ATXN3L: variants seen among roughly 807,000 people sequenced by gnomAD.
ATXN3L encodes ataxin-3-like protein.
For synonymous variants in ATXN3L, 98 were observed against 96.1 expected (o/e 1.02, Z -0.12); for missense variants, 283 against 255.2 (o/e 1.11, Z -0.74).
rs754028227 is a variant in ATXN3L at position 13,318,901 on chromosome X, A to G, written c.1034T>C (p.Met345Thr). The G allele has an allele frequency of 2.5e-6, 3 of 1,193,320 alleles. No individual in the cohort carries two copies. The highest frequency in any genetic ancestry group is 3.4e-6 in the Non-Finnish European group (3 of 887,438). ...CCCTTTGATTTTCAAATTCTTTCTC[A>G]TAATTTCTAAAATGGTGTCGACAGC... ...QAAVDTILEI[M>T]RKNLKIKGEK The change falls in exon 1 of 1, where the codon ATG (methionine) becomes ACG (threonine). Residue 345 changes from methionine to threonine, a missense_variant. Physicochemically the swap from Met to Thr is moderately conservative, Grantham distance 81. Coordinates refer to ENST00000380622, the MANE Select transcript of ATXN3L (RefSeq NM_001135995.2).
chrX:13,320,042 T>C lies in ATXN3L; in HGVS notation c.-108A>G, dbSNP rs2044479170. ...ATAGCCATGTAACAGATGTTAGGTT[T>C]TCAAACCTTATGAAGACCATGGGTT... On this transcript the variant is annotated 5_prime_UTR_variant, in exon 1 of 1. Transcript: ENST00000380622. 2 of 576,850 alleles carry C rather than the reference T, an allele frequency of 3.5e-6. No homozygotes were observed. The highest frequency in any genetic ancestry group is 7.5e-5 in the Admixed American group (2 of 26,698). The allele number at this position is 576,850 out of a possible 1,213,427, so 47.5% of individuals were successfully genotyped here. A position where few individuals can be genotyped will look rare whatever the true frequency, so the allele number is the denominator to read the frequency against.
rs773788971 is a variant in ATXN3L, at chrX:13,319,772, T to C, written c.163A>G (p.Ser55Gly). ...RMRMAEGGVT[S>G]EEYLAFLQQP... is the part of the protein sequence containing the mutation. ...TGTAAAAATGCAAGATACTCTTCAC[T>C]GGTGACTCCTCCTTCTGCCATTCTC... The change falls in exon 1 of 1, where the codon AGT (serine) becomes GGT (glycine). Residue 55 changes from serine (S) to glycine (G), a missense_variant. Coordinates refer to ENST00000380622, the MANE Select transcript of ATXN3L (RefSeq NM_001135995.2). 1 of 1,212,033 alleles carries C rather than the reference T, an allele frequency of 8.3e-7. No individual in the cohort carries two copies. The highest frequency in any genetic ancestry group is 3.0e-5 in the East Asian group (1 of 33,860).
chrX:13,318,921 G>A lies in ATXN3L; in HGVS notation c.1014C>T (p.Val338=), dbSNP rs187826331. The A allele has an allele frequency of 9.2e-6, 11 of 1,200,414 alleles. No homozygotes were observed. The Admixed American group carries it at 2.1e-4, about 22-fold the overall frequency. ...DISEGTVQAA[V]DTILEIMRKN... The stretch of plus-strand genomic sequence containing the variant: ...TTCTCATAATTTCTAAAATGGTGTC[G>A]ACAGCGGCCTGTACTGTGCCTTCAC... Residue 338 remains valine, a synonymous_variant, in exon 1 of 1, where the codon GTC becomes GTT. Transcript: ENST00000380622.
In ATXN3L at chrX:13,320,014, T is replaced by G; in HGVS notation, c.-80A>C. 2 of 730,368 alleles carry G rather than the reference T, an allele frequency of 2.7e-6. No homozygotes were observed. Among genetic ancestry groups the G allele is most frequent in the Non-Finnish European group, 4.0e-6 (2 of 495,424 alleles). The allele number at this position is 730,368 out of a possible 1,213,427, so 60.2% of individuals were successfully genotyped here. On this transcript the variant is annotated 5_prime_UTR_variant, in exon 1 of 1. Transcript: ENST00000380622. ...CTATGGCAGTTACCTGGGCAGTTTGTGGATAGCCATGTAACAGATGTTAGG... is the reference window on the plus strand; with the variant it reads ...CTATGGCAGTTACCTGGGCAGTTTGGGGATAGCCATGTAACAGATGTTAGG...
chrX:13,318,958 C>T lies in ATXN3L; in HGVS notation c.977G>A (p.Ser326Asn). The change falls in exon 1 of 1, where the codon AGT (serine) becomes AAT (asparagine). Residue 326 changes from serine to asparagine, a missense_variant. By Grantham distance (46) the Ser-to-Asn change is conservative. Transcript: ENST00000380622. ...TACTGTGCCTTCACTGATGTCATCACTGAGATCACTCTCAATTGCTCTCGA... is the reference window on the plus strand; with the variant it reads ...TACTGTGCCTTCACTGATGTCATCATTGAGATCACTCTCAATTGCTCTCGA... ...TSSRAIESDL[S>N]DDISEGTVQA... The T allele has an allele frequency of 1.7e-6, 2 of 1,210,610 alleles. No individual in the cohort carries two copies. Among genetic ancestry groups the T allele is most frequent in the Non-Finnish European group, 2.2e-6 (2 of 894,180 alleles).
chrX:13,319,857 T>C lies in ATXN3L; in HGVS notation c.78A>G (p.Glu26=), dbSNP rs917866768. The change falls in exon 1 of 1, where the codon GAA becomes GAG. Residue 26 remains glutamate, a synonymous_variant. Transcript: ENST00000380622. The part of the protein sequence containing the change: ...QHCLNNLLQG[E]YFSPVELASI... ...AGGCTAATTCCACAGGGCTAAAATA[T>C]TCTCCTTGCAATAGATTGTTCAGAC... 4.1e-6 allele frequency: 5 copies of C among 1,210,192 alleles called. No individual in the cohort carries two copies. Among genetic ancestry groups the C allele is most frequent in the African/African-American group, 1.7e-5 (1 of 57,313 alleles).
In ATXN3L at chrX:13,319,327, CTA is replaced by C; in HGVS notation, c.606_607del (p.His202GlnfsTer4). The C allele has an allele frequency of 1.7e-6, 2 of 1,210,861 alleles. No homozygotes were observed. The highest frequency in any genetic ancestry group is 2.2e-6 in the Non-Finnish European group (2 of 894,840). ...TTTTTCAAGGACTGTTTTATAGACT[CTA>C]TGCTCTTTTTGTTTTACTAATTTTT... On this transcript the variant is annotated frameshift_variant, in exon 1 of 1. Transcript: ENST00000380622. LOFTEE classifies it low-confidence loss of function (END_TRUNC).
At position 13,318,969 on chromosome X, in the gene ATXN3L, C is replaced by T; in HGVS notation, c.966G>A (p.Glu322=). The T allele has an allele frequency of 8.3e-7, 1 of 1,211,393 alleles. No individual in the cohort carries two copies. Among genetic ancestry groups the T allele is most frequent in the Non-Finnish European group, 1.1e-6 (1 of 895,026 alleles). Reference sequence around the variant, plus strand: ...CACTGATGTCATCACTGAGATCACTCTCAATTGCTCTCGAACTTGTTGTTG... The same window carrying T: ...CACTGATGTCATCACTGAGATCACTTTCAATTGCTCTCGAACTTGTTGTTG... ...ERPTTSSRAI[E]SDLSDDISEG... Residue 322 remains glutamate, a synonymous_variant, in exon 1 of 1, where the codon GAG becomes GAA. Coordinates refer to ENST00000380622, the MANE Select transcript of ATXN3L (RefSeq NM_001135995.2).
At position 13,319,267 on chromosome X, in the gene ATXN3L, T is replaced by C. The variant is rs1447306738; in HGVS notation, c.668A>G (p.Asp223Gly). The C allele has an allele frequency of 3.3e-6, 4 of 1,209,894 alleles. No individual in the cohort carries two copies. The highest frequency in any genetic ancestry group is 5.9e-5 in the East Asian group (2 of 33,817). The change falls in exon 1 of 1, where the codon GAC (aspartate) becomes GGC (glycine). Residue 223 changes from aspartate to glycine, a missense_variant. By Grantham distance (94) the Asp-to-Gly change is moderately conservative (BLOSUM62 -1). Coordinates refer to ENST00000380622, the MANE Select transcript of ATXN3L (RefSeq NM_001135995.2). ...SEESDESGTS[D>G]QDEEDFQRAL... ...CCTCTGAAAATCCTCCTCATCTTGG[T>C]CTGATGTTCCAGACTCATCACTTTC...
At position 13,318,658 on chromosome X, in the gene ATXN3L, A is replaced by C; in HGVS notation, c.*209T>G. 5.9e-6 allele frequency: 2 copies of C among 339,690 alleles called. No homozygotes were observed. 28.0% of individuals were successfully genotyped at this position (339,690 alleles called of 1,213,427 possible). On this transcript the variant is annotated 3_prime_UTR_variant, in exon 1 of 1. Coordinates refer to ENST00000380622, the MANE Select transcript of ATXN3L (RefSeq NM_001135995.2). ...AAATCAAAGGAACATTTTGAAAGCT[A>C]ATTTAAATTTAATTAATTGCTGAAT...
At position 13,318,996 on chromosome X, in the gene ATXN3L, C is replaced by T. The variant is rs17322143; in HGVS notation, c.939G>A (p.Arg313=). 135,479 of 1,209,701 alleles carry T rather than the reference C, an allele frequency of 0.11. 5,492 individuals are homozygous for T. The highest frequency in any genetic ancestry group is 0.17 in the South Asian group (9,553 of 56,797). Residue 313 remains arginine (R), a synonymous_variant, in exon 1 of 1, where the codon AGG becomes AGA. Coordinates refer to ENST00000380622, the MANE Select transcript of ATXN3L (RefSeq NM_001135995.2). ...CAATTGCTCTCGAACTTGTTGTTGG[C>T]CTTTCGTGTAGGTATGAACTGTGGC... ...LPGHSSYLHE[R]PTTSSRAIES...
At position 13,319,761 on chromosome X, in the gene ATXN3L, A is replaced by C. The variant is rs1383355686; in HGVS notation, c.174T>G (p.Tyr58Ter). Residue 58 changes from tyrosine (Y) to a stop codon, truncating the protein, a stop_gained, in exon 1 of 1, where the codon TAT (tyrosine) becomes TAG (stop). Transcript: ENST00000380622. LOFTEE classifies it low-confidence loss of function (END_TRUNC). ...MAEGGVTSEE[Y>*]LAFLQQPSEN... ...CTGAAGGCTGCTGTAAAAATGCAAG[A>C]TACTCTTCACTGGTGACTCCTCCTT... is the stretch of plus-strand genomic sequence containing the variant. 1 of 1,211,620 alleles carries C rather than the reference A, an allele frequency of 8.3e-7. No homozygotes were observed. Among genetic ancestry groups the C allele is most frequent in the Non-Finnish European group, 1.1e-6 (1 of 895,502 alleles).
rs772727645 is a variant in ATXN3L, at chrX:13,319,463, G to A, written c.472C>T (p.Gln158Ter). 3.3e-6 allele frequency: 4 copies of A among 1,210,990 alleles called. No homozygotes were observed. Among genetic ancestry groups the A allele is most frequent in the Non-Finnish European group, 4.5e-6 (4 of 894,848 alleles). Residue 158 changes from glutamine (Q) to a stop codon, truncating the protein, a stop_gained, in exon 1 of 1, where the codon CAA becomes TAA. Transcript: ENST00000380622. LOFTEE classifies it low-confidence loss of function (END_TRUNC). ...LANFLARLQQ[Q>*]AYSVFVVKGD... ...TTGACAACAAATACAGAATATGCTT[G>A]TTGTTGTAATCGAGCCAAGAAATTT...
In ATXN3L at chrX:13,319,828, A is replaced by G. The variant is rs956713973; in HGVS notation, c.107T>C (p.Ile36Thr). The change falls in exon 1 of 1, where the codon ATT (isoleucine) becomes ACT (threonine). Residue 36 changes from isoleucine to threonine, a missense_variant. Ile to Thr is a moderately conservative substitution (Grantham distance 89). Coordinates refer to ENST00000380622, the MANE Select transcript of ATXN3L (RefSeq NM_001135995.2). ...EYFSPVELASIAHQLDEEERM... is the reference protein window; with the variant it reads ...EYFSPVELASTAHQLDEEERM... ...CTCTTCTTCATCTAGCTGATGTGCA[A>G]TTGAGGCTAATTCCACAGGGCTAAA... 18 of 1,209,643 alleles carry G rather than the reference A, an allele frequency of 1.5e-5. No individual in the cohort carries two copies. Among genetic ancestry groups the G allele is most frequent in the Admixed American group, 2.2e-5 (1 of 45,779 alleles).
Position 13,319,780 on chromosome X carries a change from C to G in ATXN3L, c.155G>C (p.Gly52Ala). Reference sequence around the variant, plus strand: ...TGCAAGATACTCTTCACTGGTGACTCCTCCTTCTGCCATTCTCATCCTCTC... The same window carrying G: ...TGCAAGATACTCTTCACTGGTGACTGCTCCTTCTGCCATTCTCATCCTCTC... ...EEERMRMAEG[G>A]VTSEEYLAFL... The change falls in exon 1 of 1, where the codon GGA becomes GCA. Residue 52 changes from glycine (G) to alanine (A), a missense_variant. Transcript: ENST00000380622. 8.3e-7 allele frequency: 1 copy of G among 1,211,656 alleles called. No homozygotes were observed. Among genetic ancestry groups the G allele is most frequent in the Non-Finnish European group, 1.1e-6 (1 of 895,455 alleles).
rs1391192608 is a variant in ATXN3L, at chrX:13,319,531, G to A, written c.404C>T (p.Ser135Phe). 1 of 1,211,583 alleles carries A rather than the reference G, an allele frequency of 8.3e-7. No homozygotes were observed. Among genetic ancestry groups the A allele is most frequent in the East Asian group, 3.0e-5 (1 of 33,864 alleles). The change falls in exon 1 of 1, where the codon TCT becomes TTT. Residue 135 changes from serine to phenylalanine, a missense_variant. By Grantham distance (155) the Ser-to-Phe change is radical. Coordinates refer to ENST00000380622, the MANE Select transcript of ATXN3L (RefSeq NM_001135995.2). ...TATTAATTCTGGACCCGCCAAGAGA[G>A]AATTCAAGTTAAACCAGTGTTTTCC... ...KFGKHWFNLN[S>F]LLAGPELISD...
In ATXN3L at chrX:13,319,574, A is replaced by C. The variant is rs765832902; in HGVS notation, c.361T>G (p.Phe121Val). The change falls in exon 1 of 1, where the codon TTT becomes GTT. Residue 121 changes from phenylalanine (F) to valine (V), a missense_variant. Transcript: ENST00000380622. The stretch of plus-strand genomic sequence containing the variant: ...TGTTTTCCAAATTTTCTAATAGTAA[A>C]CCAGTGTTGTTTATAATTACATATA... ...SFICNYKQHW[F>V]TIRKFGKHWF... is the part of the protein sequence containing the mutation. 1 of 1,208,468 alleles carries C rather than the reference A, an allele frequency of 8.3e-7. No homozygotes were observed. Among genetic ancestry groups the C allele is most frequent in the African/African-American group, 1.7e-5 (1 of 57,198 alleles).
Position 13,319,167 on chromosome X carries a change from T to C in ATXN3L, c.768A>G (p.Gln256=). 18 of 1,211,973 alleles carry C rather than the reference T, an allele frequency of 1.5e-5. No homozygotes were observed. The highest frequency in any genetic ancestry group is 2.0e-5 in the Non-Finnish European group (18 of 895,515). ...HLRSTIELSM[Q]GSSGNTSQDL... ...CTTGCGATGTGTTTCCGGAACTACCTTGCATGCTTAACTCAATAGTACTGC... is the reference window on the plus strand; with the variant it reads ...CTTGCGATGTGTTTCCGGAACTACCCTGCATGCTTAACTCAATAGTACTGC... The change falls in exon 1 of 1, where the codon CAA becomes CAG. Residue 256 remains glutamine, a synonymous_variant. Transcript: ENST00000380622.
Position 13,319,628 on chromosome X carries a change from C to T in ATXN3L, c.307G>A (p.Gly103Ser), listed in dbSNP as rs199861470. 379 of 1,207,005 alleles carry T rather than the reference C, an allele frequency of 3.1e-4. No individual in the cohort carries two copies. Among genetic ancestry groups the T allele is most frequent in the Non-Finnish European group, 4.1e-4 (365 of 894,845 alleles). The stretch of plus-strand genomic sequence containing the variant: ...GATCTTTCATTTATAGGATCAATGC[C>T]GAGCTTCTGATATTCAGGATTATTG... ...HFNNPEYQKL[G>S]IDPINERSFI... is the part of the protein sequence containing the mutation. Residue 103 changes from glycine to serine, a missense_variant, in exon 1 of 1, where the codon GGC (glycine) becomes AGC (serine). Physicochemically the swap from Gly to Ser is moderately conservative, Grantham distance 56 (BLOSUM62 0). Coordinates refer to ENST00000380622, the MANE Select transcript of ATXN3L (RefSeq NM_001135995.2).
Sources: allele counts gnomAD v4.1 joint callset, GRCh38; gene constraint gnomAD v4.1.1; transcripts MANE v1.5; gene names NCBI Gene and HGNC (gene_info 2026-07-23, HGNC 2026-07-21).